The following SIN3A variants were observed in gnomAD, a reference collection of about 807,000 sequenced individuals.
SIN3A encodes the protein SIN3 transcription regulator family member A.
In SIN3A, 14 loss-of-function variants were observed where a neutral mutation model predicts 146.1. The ratio of observed to expected loss-of-function variants is 0.10; its 90% CI spans 0.06 to 0.15. The LOEUF (loss-of-function observed/expected upper bound fraction) is 0.15. SIN3A is among the 10% of genes least tolerant of loss of function. The probability of loss-of-function intolerance (pLI) is 1.00; values close to 1 mark genes in which losing one functional copy is unlikely to be tolerated. For missense variants in SIN3A, 1,028 were observed against 1,576.0 expected (o/e 0.65, Z 5.89); for synonymous variants, 572 against 572.0 (o/e 1.00, Z 0.00).
intron 15 of SIN3A, 82 bp from the exon 16 acceptor site, chr15:75,389,903 G>T (rs2073165955): frequency 1.5e-6 from 2 of 1,345,258 alleles, no homozygotes; most frequent in East Asian, 2.3e-5. Context: ...CCCACAGCTG[G>T]CCTAAATGGC....
intron 1 of SIN3A, among the ~76,000 whole-genome samples, chr15:75,431,071 C>T (rs541111486): frequency 6.6e-6 from 1 of 152,232 alleles, no homozygotes; most frequent in Non-Finnish European, 1.5e-5. Context: ...CCACCGCGCC[C>T]GGCCTCAAGT....
chr15:75,372,351 GA>G (rs1158097562), intron 20 of SIN3A, 142 bp from the exon 21 acceptor site: 1,232 of 422,822 alleles, frequency 2.9e-3, no homozygotes, highest in South Asian at 7.6e-3. Flanking sequence ...TTTCTTAAAA[GA>G]AAAAAAAAAG....
chr15:75,452,528 C>T (rs1595938243), upstream of SIN3A, among the ~76,000 whole-genome samples: 1 of 152,340 alleles, frequency 6.6e-6, no homozygotes, highest in Admixed American at 6.5e-5. Flanking sequence ...CACAAATATC[C>T]GGAGCAGCTG....
intron 3 of SIN3A, chr15:75,420,716 T>G (rs2073827811): frequency 6.6e-6 from 1 of 152,218 alleles, no homozygotes; most frequent in Admixed American, 6.5e-5. Context: ...AATGATTTAT[T>G]GAAGTTGATT....
chr15:75,410,856 T>G (rs971970817), intron 6 of SIN3A, among the ~76,000 whole-genome samples: 1 of 149,888 alleles, frequency 6.7e-6, no homozygotes, highest in Non-Finnish European at 1.5e-5. Context: ...GCCAACATGT[T>G]GAAACCCCGT....
chr15:75,451,029 C>A (rs1374534660), intron 1 of SIN3A, among the ~76,000 whole-genome samples: 1 of 151,308 alleles, frequency 6.6e-6, no homozygotes, highest in Non-Finnish European at 1.5e-5. Context: ...CCCTACCCCT[C>A]CCCGACCCCA....
At chr15:75,400,247 A>G (rs2073385190) in intron 11 of SIN3A, 91 bp from the exon 12 acceptor site, 1 of 707,034 alleles carries the variant, frequency 1.4e-6, no homozygotes, top group African/African-American at 1.8e-5. Context: ...ACTCTAGCAG[A>G]GAAATAGGCA....
At chr15:75,441,759 A>G (rs1032118034) in intron 1 of SIN3A, among the ~76,000 whole-genome samples, 1 of 152,082 alleles carries the variant, frequency 6.6e-6, no homozygotes. Flanking sequence ...TTTGTTGGAG[A>G]GAACAGTCAT....
chr15:75,396,147 G>A, intron 13 of SIN3A, 111 bp downstream of exon 13: 1 of 803,326 alleles, frequency 1.2e-6, no homozygotes, highest in Non-Finnish European at 2.1e-6. Context: ...GGGTTGGGGA[G>A]AAAGAGAGGT....
rs2073399953 is a variant in SIN3A at position 75,400,900 on chromosome 15, C to T, written c.1567G>A (p.Gly523Ser). The T allele has an allele frequency of 6.2e-7, 1 of 1,613,828 alleles. No individual in the cohort carries two copies. The highest frequency in any genetic ancestry group is 8.5e-7 in the Non-Finnish European group (1 of 1,180,006). ...TCCAGATGTACAGACTCCTTATAGC[C>T]CAGAAAGTTTTTAAACCAATTAAAC... ...ELFNWFKNFL[G>S]YKESVHLETY... The change falls in exon 11 of 21, where the codon GGC (glycine) becomes AGC (serine). Residue 523 changes from glycine to serine, a missense_variant. Gly to Ser is a moderately conservative substitution (Grantham distance 56). Around this residue, in one of 9 missense-constraint regions of SIN3A, gnomAD observed 157 missense variants for 284.8 expected, o/e 0.55. Coordinates refer to ENST00000394947, the MANE Select transcript of SIN3A (RefSeq NM_001145358.2).
Position 75,389,696 on chromosome 15 carries a change from T to C in SIN3A, c.2977A>G (p.Ile993Val), listed in dbSNP as rs765382176. ...LREMFTIHAY[I>V]AFTMDKLIQS... ...ATCAGTTTGTCCATGGTAAAGGCAA[T>C]GTAGGCATGAATGGTGAACATCTCT... is the stretch of plus-strand genomic sequence containing the variant. The change falls in exon 16 of 21, where the codon ATT becomes GTT. Residue 993 changes from isoleucine (I) to valine (V), a missense_variant. Around this residue, in one of 9 missense-constraint regions of SIN3A, gnomAD observed 488 missense variants for 690.2 expected, o/e 0.71. Coordinates refer to ENST00000394947, the MANE Select transcript of SIN3A (RefSeq NM_001145358.2). The C allele has an allele frequency of 2.5e-6, 4 of 1,614,174 alleles. No homozygotes were observed. Among genetic ancestry groups the C allele is most frequent in the Non-Finnish European group, 1.7e-6 (2 of 1,180,012 alleles).
At chr15:75,420,994 C>T (rs1402364292) in intron 3 of SIN3A, 2 of 152,170 alleles carry the variant, frequency 1.3e-5, no homozygotes, top group African/African-American at 4.8e-5. Context: ...GCAAACAAAA[C>T]ATAATCCATA....
intron 9 of SIN3A, among the ~76,000 whole-genome samples, chr15:75,405,666 G>GCTT (rs1179313829): frequency 1.3e-5 from 2 of 152,074 alleles, no homozygotes; most frequent in African/African-American, 4.8e-5. Context: ...CTGGAGAATC[G>GCTT]CTTGAGCCAG....
At chr15:75,398,831 A>C (rs1402489641) in intron 12 of SIN3A, among the ~76,000 whole-genome samples, 1 of 151,926 alleles carries the variant, frequency 6.6e-6, no homozygotes, top group African/African-American at 2.4e-5. Flanking sequence ...GTAATGTAGT[A>C]AAACACTGTT....
chr15:75,392,827 G>C lies in SIN3A; in HGVS notation c.2278-12C>G, dbSNP rs1344886356. The C allele has an allele frequency of 6.3e-7, 1 of 1,583,774 alleles. No individual in the cohort carries two copies. Among genetic ancestry groups the C allele is most frequent in the South Asian group, 1.1e-5 (1 of 88,734 alleles). On this transcript the variant is annotated splice_polypyrimidine_tract_variant and intron_variant, in intron 14 of 20. Coordinates refer to ENST00000394947, the MANE Select transcript of SIN3A (RefSeq NM_001145358.2). ...GCCTGCTCTTGCCTCTGATGGGACA[G>C]AGACACAAAAGTATTCTGTGAGATG...
At chr15:75,436,215 T>C (rs1329802439) in intron 1 of SIN3A, 1 of 151,920 alleles carries the variant, frequency 6.6e-6, no homozygotes, top group Admixed American at 6.6e-5. Flanking sequence ...AAAGTGCCTG[T>C]AATCCCAGCA....
In SIN3A at chr15:75,371,966, T is replaced by C. The variant is rs201719222; in HGVS notation, c.*13A>G. 5.2e-5 allele frequency: 83 copies of C among 1,610,666 alleles called. No individual in the cohort carries two copies. The highest frequency in any genetic ancestry group is 6.5e-5 in the Non-Finnish European group (77 of 1,176,806). Reference sequence around the variant, plus strand: ...CCCACACACACCCCAAGTTATCTGCTCTGGCTTTGCAGTTAAGGGGCTTTG... The same window carrying C: ...CCCACACACACCCCAAGTTATCTGCCCTGGCTTTGCAGTTAAGGGGCTTTG... On this transcript the variant is annotated 3_prime_UTR_variant, in exon 21 of 21. Transcript: ENST00000394947.
At chr15:75,380,105 C>T (rs1371946069) in intron 19 of SIN3A, among the ~76,000 whole-genome samples, 2 of 152,204 alleles carry the variant, frequency 1.3e-5, no homozygotes, top group South Asian at 2.1e-4. Context: ...TAGATGACTA[C>T]ATCTCAATAA....
chr15:75,372,303 G>A (rs1224263405), intron 20 of SIN3A, 94 bp from the exon 21 acceptor site: 3 of 719,162 alleles, frequency 4.2e-6, no homozygotes, highest in Non-Finnish European at 6.7e-6. Flanking sequence ...AAGGAGCAAA[G>A]GAAAGATGTG....
Sources: gnomAD v4.1 joint callset for allele counts (sites outside exome capture counted in the v4.1 genomes callset) on GRCh38, gnomAD v4.1.1 for gene constraint, gnomAD v4.1.1 regional missense constraint, MANE v1.5 for transcripts, NCBI Gene and HGNC (gene_info 2026-07-23, HGNC 2026-07-21) for gene names.